Variants in SLC33A1 observed in about 807,000 individuals in gnomAD.
SLC33A1 encodes the protein solute carrier family 33 member 1.
SLC33A1 carries 20 observed loss-of-function variants against 50.0 expected under a neutral mutation model. The ratio of observed to expected loss-of-function variants is 0.40; its 90% CI spans 0.28 to 0.58. The LOEUF (loss-of-function observed/expected upper bound fraction) is 0.58. Among genes scored for constraint, SLC33A1 ranks in the 20% least tolerant of loss-of-function variants. The pLI is 0.44. For synonymous variants in SLC33A1, 265 were observed against 251.8 expected (o/e 1.05, Z -0.50); for missense variants, 476 against 657.0 (o/e 0.72, Z 3.01).
chr3:155,837,365 A>C (rs1752724633), intron 2 of SLC33A1, among the ~76,000 whole-genome samples: 3 of 151,916 alleles, frequency 2.0e-5, no homozygotes, highest in Non-Finnish European at 2.9e-5. Context: ...CAAAAAAAAA[A>C]AAAAAAAAAA....
intron 4 of SLC33A1, among the ~76,000 whole-genome samples, chr3:155,832,446 G>A (rs1650297895): frequency 6.6e-6 from 1 of 151,842 alleles, no homozygotes; most frequent in African/African-American, 2.4e-5. Flanking sequence ...CTTCTTTTAA[G>A]GATTACAAAC....
At position 155,836,280 on chromosome 3, in the gene SLC33A1, C is replaced by CAA. The variant is rs57460942; in HGVS notation, c.964-2241_964-2240dup. Among the ~76,000 whole-genome samples the CAA allele has an allele frequency of 3.4e-3, 93 of 27,172 alleles. 9 individuals are homozygous for CAA. Among genetic ancestry groups the CAA allele is most frequent in the African/African-American group, 6.7e-3 (48 of 7,116 alleles). The allele number at this position is 27,172 out of a possible 152,430, so 17.8% of individuals were successfully genotyped here. A position where few individuals can be genotyped will look rare whatever the true frequency, so the allele number is the denominator to read the frequency against. On this transcript the variant is annotated intron_variant, in intron 2 of 5. Transcript: ENST00000643144. ...GCCTGGTGACAGAGTGAGACTCTGTCAAAAAAAAAAAAAAAAAAAAAAAAA... is the reference window on the plus strand; with the variant it reads ...GCCTGGTGACAGAGTGAGACTCTGTCAAAAAAAAAAAAAAAAAAAAAAAAAAA...
intron 1 of SLC33A1, among the ~76,000 whole-genome samples, chr3:155,847,853 A>T (rs1459745540): frequency 6.6e-6 from 1 of 152,204 alleles, no homozygotes; most frequent in East Asian, 1.9e-4. Context: ...TTATAGCATC[A>T]ACTTTTTCAA....
chr3:155,833,807 G>T, intron 3 of SLC33A1, 50 bp downstream of exon 3: 1 of 1,385,826 alleles, frequency 7.2e-7, no homozygotes, highest in Non-Finnish European at 1.0e-6. Flanking sequence ...ATTGATGAAT[G>T]TTCCTCATTT....
At chr3:155,852,275 T>G (rs568917692) in intron 1 of SLC33A1, among the ~76,000 whole-genome samples, 3 of 151,520 alleles carry the variant, frequency 2.0e-5, no homozygotes, top group African/African-American at 7.3e-5. Context: ...CTGGCCAACA[T>G]AGTGAGACAG....
intron 1 of SLC33A1, among the ~76,000 whole-genome samples, chr3:155,850,719 C>T (rs920405930): frequency 6.6e-6 from 1 of 151,380 alleles, no homozygotes; most frequent in Non-Finnish European, 1.5e-5. Flanking sequence ...TGGGTTCAAG[C>T]GATTCTCCCC....
chr3:155,833,502 T>C lies in SLC33A1; in HGVS notation c.1232A>G (p.Tyr411Cys), dbSNP rs1268248428. The C allele has an allele frequency of 3.1e-6, 5 of 1,591,618 alleles. No homozygotes were observed. Among genetic ancestry groups the C allele is most frequent in the Non-Finnish European group, 4.3e-6 (5 of 1,159,658 alleles). Residue 411 changes from tyrosine (Y) to cysteine (C), a missense_variant, in exon 4 of 6, where the codon TAT becomes TGT. Tyr to Cys is a radical substitution (Grantham distance 194). Coordinates refer to ENST00000643144, the MANE Select transcript of SLC33A1 (RefSeq NM_004733.4). ...AGCATAACTCAGCAGGACTACGATATAGTAATATATAGGGAATCCCCCTTG... is the reference window on the plus strand; with the variant it reads ...AGCATAACTCAGCAGGACTACGATACAGTAATATATAGGGAATCCCCCTTG... ...EHQGGFPIYY[Y>C]IVVLLSYALH...
chr3:155,853,052 T>C, intron 1 of SLC33A1, 171 bp downstream of exon 1: 2 of 640,764 alleles, frequency 3.1e-6, no homozygotes, highest in East Asian at 2.7e-5. Context: ...TCTAATATCA[T>C]TCATTTTGGC....
rs1458319879 is a variant in SLC33A1 at position 155,822,938 on chromosome 3, A to T, written c.*5272T>A. ...TGGTCTCGATCTCCTGAGCTCAAGC[A>T]ATACTCCTACCTTGGCATCCCAAAG... On this transcript the variant is annotated 3_prime_UTR_variant, in exon 6 of 6. Coordinates refer to ENST00000643144, the MANE Select transcript of SLC33A1 (RefSeq NM_004733.4). The T allele has an allele frequency of 6.6e-6, 1 of 152,128 alleles. No individual in the cohort carries two copies. Among genetic ancestry groups the T allele is most frequent in the African/African-American group, 2.4e-5 (1 of 41,436 alleles). 9.4% of individuals were successfully genotyped at this position (152,128 alleles called of 1,614,324 possible).
Position 155,835,742 on chromosome 3 carries a change from A to T in SLC33A1, c.964-1701T>A, listed in dbSNP as rs7636224. ...ACCGGTTTTTCATGCCCTATTTAAA[A>T]CAGACACTGCCTCCCCACTAGCTCA... On this transcript the variant is annotated intron_variant, in intron 2 of 5. Transcript: ENST00000643144. Among the ~76,000 whole-genome samples, 65,582 of 151,898 alleles carry T rather than the reference A, an allele frequency of 0.43. 17,617 individuals are homozygous for T. Among genetic ancestry groups the T allele is most frequent in the African/African-American group, 0.76 (31,603 of 41,394 alleles).
rs371730554 is a variant in SLC33A1, at chr3:155,828,273, A to T, written c.1587T>A (p.Gly529=). Residue 529 remains glycine, a synonymous_variant, in exon 6 of 6, where the codon GGT becomes GGA. Coordinates refer to ENST00000643144, the MANE Select transcript of SLC33A1 (RefSeq NM_004733.4). ...FIGFGWWFFL[G]PKFKKLQDEG... ...CATCCTGTAACTTTTTAAATTTTGG[A>T]CCAAGAAAGAACCACCAACCAAATC... The T allele has an allele frequency of 6.2e-7, 1 of 1,612,460 alleles. No individual in the cohort carries two copies. The highest frequency in any genetic ancestry group is 8.5e-7 in the Non-Finnish European group (1 of 1,178,694).
intron 2 of SLC33A1, 72 bp downstream of exon 2, chr3:155,842,360 A>T: frequency 1.1e-6 from 1 of 901,090 alleles, no homozygotes; most frequent in Non-Finnish European, 1.8e-6. Context: ...GTGATATGAA[A>T]AAGGCATTGT....
Position 155,853,539 on chromosome 3 carries a change from G to C in SLC33A1, c.459C>G (p.Leu153=), listed in dbSNP as rs1753499099. 6.2e-7 allele frequency: 1 copy of C among 1,614,022 alleles called. No individual in the cohort carries two copies. Among genetic ancestry groups the C allele is most frequent in the Non-Finnish European group, 8.5e-7 (1 of 1,180,026 alleles). Residue 153 remains leucine (L), a synonymous_variant, in exon 1 of 6, where the codon CTC becomes CTG. Coordinates refer to ENST00000643144, the MANE Select transcript of SLC33A1 (RefSeq NM_004733.4). The stretch of plus-strand genomic sequence containing the variant: ...CCTGAGTGGATAAATAGATCATGAA[G>C]AGTCCTAGTATATACTGTGTCGGGA... ...WLVPTQYILG[L]FMIYLSTQVD... is the part of the protein sequence containing the mutation.
chr3:155,836,675 T>C (rs532446061), intron 2 of SLC33A1, among the ~76,000 whole-genome samples: 1 of 152,094 alleles, frequency 6.6e-6, no homozygotes, highest in Non-Finnish European at 1.5e-5. Flanking sequence ...GGCGGGAGGA[T>C]TGCTTCAGCC....
At chr3:155,832,886 G>A (rs992706513) in intron 4 of SLC33A1, among the ~76,000 whole-genome samples, 2 of 152,028 alleles carry the variant, frequency 1.3e-5, no homozygotes, top group Non-Finnish European at 2.9e-5. Context: ...GAATTTGCTG[G>A]CTTTGGAATC....
chr3:155,842,717 T>A (rs531087087), intron 1 of SLC33A1, 98 bp from the exon 2 acceptor site: 9 of 754,646 alleles, frequency 1.2e-5, no homozygotes, highest in Non-Finnish European at 1.8e-5. Context: ...AAAATGTTAT[T>A]TAAAAAATTA....
Position 155,827,059 on chromosome 3 carries a change from C to A in SLC33A1, c.*1151G>T, listed in dbSNP as rs1056520109. The stretch of plus-strand genomic sequence containing the variant: ...ATTTTCTTGGAATAGCAACTGTCCA[C>A]TGAAAACTATAGTATTCAAACAAAA... On this transcript the variant is annotated 3_prime_UTR_variant, in exon 6 of 6. Transcript: ENST00000643144. 6.6e-6 allele frequency: 1 copy of A among 152,156 alleles called. No homozygotes were observed. The highest frequency in any genetic ancestry group is 2.4e-5 in the African/African-American group (1 of 41,438). 9.4% of individuals were successfully genotyped at this position (152,156 alleles called of 1,614,324 possible).
In SLC33A1 at chr3:155,822,513, G is replaced by A. The variant is rs1444465159; in HGVS notation, c.*5697C>T. The A allele has an allele frequency of 6.6e-6, 1 of 151,118 alleles. No individual in the cohort carries two copies. Among genetic ancestry groups the A allele is most frequent in the African/African-American group, 2.4e-5 (1 of 40,936 alleles). 9.4% of individuals were successfully genotyped at this position (151,118 alleles called of 1,614,324 possible). A position where few individuals can be genotyped will look rare whatever the true frequency, so the allele number is the denominator to read the frequency against. On this transcript the variant is annotated 3_prime_UTR_variant, in exon 6 of 6. Transcript: ENST00000643144. ...GAAGGAGAATCACTTGAACCCAGCAGGCAGAGGGTGCAGGGAGTCATGCCA... is the reference window on the plus strand; with the variant it reads ...GAAGGAGAATCACTTGAACCCAGCAAGCAGAGGGTGCAGGGAGTCATGCCA...
At chr3:155,843,753 C>T (rs1210158747) in intron 1 of SLC33A1, among the ~76,000 whole-genome samples, 2 of 152,146 alleles carry the variant, frequency 1.3e-5, no homozygotes, top group Non-Finnish European at 2.9e-5. Flanking sequence ...TCAAGCTGTC[C>T]AAGTTACATT....
Sources: gnomAD v4.1 joint callset for allele counts (sites outside exome capture counted in the v4.1 genomes callset) on GRCh38, gnomAD v4.1.1 for gene constraint, MANE v1.5 for transcripts, NCBI Gene and HGNC (gene_info 2026-07-23, HGNC 2026-07-21) for gene names.